The following PPP2R1B variants were observed in gnomAD, a reference collection of about 807,000 sequenced individuals.
PPP2R1B encodes the protein serine/threonine-protein phosphatase 2A 65 kDa regulatory subunit A beta isoform.
A neutral mutation model predicts 72.7 loss-of-function variants in PPP2R1B; 58 were observed. That is an observed-to-expected ratio of 0.80 (90% CI 0.65 to 0.99). PPP2R1B has a LOEUF of 0.99. Ranked by LOEUF, PPP2R1B falls within the 50% of genes least tolerant of loss-of-function variation. The pLI, the probability that PPP2R1B is intolerant of heterozygous loss-of-function variation, is 0.00. For synonymous variants in PPP2R1B, 256 were observed against 264.6 expected, an observed-to-expected ratio of 0.97 and a Z score of 0.32; for missense variants, 695 against 733.6, an observed-to-expected ratio of 0.95 and a Z score of 0.61.
At chr11:111,708,330 C>T in the PPP2R1B span, among the ~76,000 whole-genome samples, 10 of 151,978 alleles carry the variant, frequency 6.6e-5, no homozygotes, top group East Asian at 1.2e-3. Context: ...TGCAGTGAGC[C>T]GAGATGACAC....
At chr11:111,720,827 G>T in the PPP2R1B span, 1 of 1,577,616 alleles carries the variant, frequency 6.3e-7, no homozygotes, top group African/African-American at 1.4e-5. Flanking sequence ...TGCCATGTTG[G>T]TGTGGTCACC....
At chr11:111,751,233 G>A (rs2136074638) in intron 10 of PPP2R1B, among the ~76,000 whole-genome samples, 1 of 152,246 alleles carries the variant, frequency 6.6e-6, no homozygotes, top group South Asian at 2.1e-4. Context: ...TAGAATACAA[G>A]GCAAACAGGG....
chr11:111,760,005 GC>G (rs1379407630), intron 4 of PPP2R1B, 54 bp from the exon 5 acceptor site: 62 of 1,554,484 alleles, frequency 4.0e-5, no homozygotes, highest in Non-Finnish European at 1.1e-5. Flanking sequence ...GAATAAACCT[GC>G]CCCCCATACA....
downstream of PPP2R1B, chr11:111,725,370 G>A (rs979831030): frequency 6.6e-6 from 1 of 152,626 alleles, no homozygotes; most frequent in Non-Finnish European, 1.5e-5. Flanking sequence ...CCACAGATGT[G>A]TTAACCATTT....
At chr11:111,722,237 C>T (rs559406161), downstream of PPP2R1B, among the ~76,000 whole-genome samples, 3 of 152,258 alleles carry the variant, frequency 2.0e-5, no homozygotes, top group Non-Finnish European at 1.5e-5. This position sits in a 1 kb window ranked among gnomAD's most constrained non-coding sequence, Gnocchi z 4.4. Context: ...TAATGAGTAA[C>T]AAATAAAATG....
At chr11:111,756,787 A>T (rs1448697447) in intron 5 of PPP2R1B, among the ~76,000 whole-genome samples, 1 of 152,214 alleles carries the variant, frequency 6.6e-6, no homozygotes, top group East Asian at 1.9e-4. Flanking sequence ...CGTGACACCT[A>T]CGTCCTTTGA....
intron 11 of PPP2R1B, 33 bp downstream of exon 11, chr11:111,747,921 T>G: frequency 6.4e-7 from 1 of 1,565,282 alleles, no homozygotes; most frequent in Non-Finnish European, 8.8e-7. Flanking sequence ...CATGGATATA[T>G]GGGCTTTCAA....
chr11:111,721,110 TGA>T, the PPP2R1B span: 1 of 1,566,666 alleles, frequency 6.4e-7, no homozygotes, highest in African/African-American at 1.4e-5. Context: ...GGATGAGGTG[TGA>T]GTTTGTCCTG....
chr11:111,731,865 G>C (rs779063383), intron 15 of PPP2R1B, among the ~76,000 whole-genome samples: 4 of 152,196 alleles, frequency 2.6e-5, no homozygotes, highest in Non-Finnish European at 5.9e-5. Flanking sequence ...CAGTAACAAT[G>C]TTTTCCCTTT....
At chr11:111,732,754 C>G (rs370062920) in intron 15 of PPP2R1B, among the ~76,000 whole-genome samples, 1 of 152,220 alleles carries the variant, frequency 6.6e-6, no homozygotes, top group Non-Finnish European at 1.5e-5. Flanking sequence ...GTTCTCATCC[C>G]TCCCTGGGTG....
At chr11:111,715,793 C>CAT in the PPP2R1B span, among the ~76,000 whole-genome samples, 1 of 81,580 alleles carries the variant, frequency 1.2e-5, no homozygotes, top group Non-Finnish European at 2.2e-5. Context: ...TCATTTTTAG[C>CAT]TTTTTTTTTT....
chr11:111,738,248 G>A lies in PPP2R1B; in HGVS notation c.*3348C>T. The A allele has an allele frequency of 1.0e-6, 1 of 985,526 alleles. No homozygotes were observed. The highest frequency in any genetic ancestry group is 1.2e-6 in the Non-Finnish European group (1 of 830,018). 61.0% of individuals were successfully genotyped at this position (985,526 alleles called of 1,614,324 possible). ...CCCTCTACAGTTTCATATCCAAGCA[G>A]TGGAGAAAAATAAGAAGCTTTACGA... On this transcript the variant is annotated 3_prime_UTR_variant, in exon 15 of 15. Transcript: ENST00000527614.
At chr11:111,737,137 C>T (rs1944361815), downstream of PPP2R1B, among the ~76,000 whole-genome samples, 1 of 152,212 alleles carries the variant, frequency 6.6e-6, no homozygotes, top group African/African-American at 2.4e-5. Context: ...CAATTCTTCA[C>T]CAAACCCCAC....
chr11:111,720,492 A>G, the PPP2R1B span: 2 of 1,599,726 alleles, frequency 1.3e-6, no homozygotes, highest in African/African-American at 1.3e-5. Context: ...AATTTTCTCC[A>G]TGAATGACAG....
chr11:111,716,205 CAG>C, the PPP2R1B span, among the ~76,000 whole-genome samples: 1 of 152,216 alleles, frequency 6.6e-6, no homozygotes, highest in Non-Finnish European at 1.5e-5. Context: ...CCTGAAAATG[CAG>C]ACACAGTGGA....
the PPP2R1B span, among the ~76,000 whole-genome samples, chr11:111,714,576 G>T: frequency 6.6e-6 from 1 of 152,194 alleles, no homozygotes; most frequent in Non-Finnish European, 1.5e-5. Flanking sequence ...GATAGAGATG[G>T]TGCAGATAAA....
intron 2 of PPP2R1B, 151 bp downstream of exon 2, chr11:111,765,143 G>A (rs1392830185): frequency 1.0e-6 from 1 of 966,728 alleles, no homozygotes; most frequent in Non-Finnish European, 1.5e-6. Context: ...AATATATCTA[G>A]CCACAACTAA....
the PPP2R1B span, chr11:111,704,897 C>T: frequency 7.1e-7 from 1 of 1,415,182 alleles, no homozygotes; most frequent in Admixed American, 2.8e-5. Flanking sequence ...TAAGAGCACA[C>T]AATTTCTTTC....
chr11:111,707,345 A>C, the PPP2R1B span, among the ~76,000 whole-genome samples: 1 of 152,208 alleles, frequency 6.6e-6, no homozygotes, highest in Non-Finnish European at 1.5e-5. Context: ...ACTATGAGCA[A>C]ATTCCCCGGC....
Sources: gnomAD v4.1 joint callset for allele counts (sites outside exome capture counted in the v4.1 genomes callset) on GRCh38, gnomAD v4.1.1 for gene constraint, Gnocchi (gnomAD v3.1) non-coding constraint, MANE v1.5 for transcripts, NCBI Gene and HGNC (gene_info 2026-07-23, HGNC 2026-07-21) for gene names.